PTPRD: variants seen among roughly 807,000 people sequenced by gnomAD.
PTPRD encodes receptor-type tyrosine-protein phosphatase delta.
Under a neutral mutation model 214.5 loss-of-function variants are expected in PTPRD, and 34 were observed. The observed-to-expected ratio is 0.16, with a 90% CI of 0.12 to 0.21. PTPRD has a LOEUF of 0.21. Ranked by LOEUF, PTPRD falls within the 10% of genes least tolerant of loss-of-function variation. The probability of loss-of-function intolerance (pLI) is 1.00; values close to 1 mark genes in which losing one functional copy is unlikely to be tolerated. For synonymous variants in PTPRD, 1,128 were observed against 845.7 expected (o/e 1.33, Z -5.79); for missense variants, 2,545 against 2,398.7 (o/e 1.06, Z -1.27).
rs1566670067 is a variant in PTPRD at position 8,858,840 on chromosome 9, CAG to C, written c.-103-124896_-103-124895del. 1.6e-3 allele frequency among the ~76,000 whole-genome samples: 222 copies of C among 135,112 alleles called. 1 individual carries two copies. The South Asian group carries it at 0.022, about 13-fold the overall frequency. The allele number at this position is 135,112 out of a possible 152,430, so 88.6% of individuals were successfully genotyped here. On this transcript the variant is annotated intron_variant, in intron 11 of 45. Transcript: ENST00000381196. ...ACACACACACACACATACACACACA[CAG>C]ACACACAGACACACACACACCAGAG...
chr9:8,528,568 T>C (rs377009262), intron 15 of PTPRD, 23 bp downstream of exon 15: 1 of 1,605,474 alleles, frequency 6.2e-7, no homozygotes, highest in South Asian at 1.1e-5. Context: ...TAGGAGTTAG[T>C]AGAAACAGTA....
intron 5 of PTPRD, among the ~76,000 whole-genome samples, chr9:9,801,525 G>C (rs2099040064): frequency 6.6e-6 from 1 of 151,912 alleles, no homozygotes; most frequent in African/African-American, 2.4e-5. Context: ...CTGTACAAAG[G>C]CAAGTTTACC....
At chr9:10,215,295 C>A (rs1388891459) in intron 3 of PTPRD, among the ~76,000 whole-genome samples, 1 of 151,626 alleles carries the variant, frequency 6.6e-6, no homozygotes, top group South Asian at 2.1e-4. Flanking sequence ...AAAAGCAAAG[C>A]TCTTCTAGGA....
chr9:8,526,786 G>T, intron 16 of PTPRD, 142 bp from the exon 17 acceptor site: 1 of 586,710 alleles, frequency 1.7e-6, no homozygotes, highest in South Asian at 3.6e-5. Flanking sequence ...TTACTATATT[G>T]GTAAAACAGG....
intron 4 of PTPRD, among the ~76,000 whole-genome samples, chr9:9,942,549 C>T (rs944284295): frequency 6.6e-6 from 1 of 152,068 alleles, no homozygotes; most frequent in East Asian, 1.9e-4. Flanking sequence ...GAATCTGTAA[C>T]TATCAGATAT....
At chr9:10,519,722 A>T (rs530484208) in intron 2 of PTPRD, among the ~76,000 whole-genome samples, 3 of 152,118 alleles carry the variant, frequency 2.0e-5, no homozygotes, top group Non-Finnish European at 4.4e-5. Flanking sequence ...TAAAATTTCC[A>T]ACTTTATTAT....
chr9:9,957,354 A>G (rs2154015268), intron 4 of PTPRD, among the ~76,000 whole-genome samples: 1 of 152,230 alleles, frequency 6.6e-6, no homozygotes, highest in South Asian at 2.1e-4. Context: ...ACAAAGCTTA[A>G]CAAGAAAGGA....
chr9:8,884,593 C>G (rs1209033187), intron 11 of PTPRD, among the ~76,000 whole-genome samples: 1 of 152,158 alleles, frequency 6.6e-6, no homozygotes, highest in African/African-American at 2.4e-5. Context: ...AGGGAGCAGA[C>G]TAGACTAGCT....
intron 7 of PTPRD, among the ~76,000 whole-genome samples, chr9:9,733,274 G>T (rs1248316371): frequency 6.6e-6 from 1 of 152,142 alleles, no homozygotes; most frequent in Non-Finnish European, 1.5e-5. Flanking sequence ...AGACCCCAGT[G>T]GTTCATGGTG....
At chr9:8,569,338 C>T (rs1311836395) in intron 14 of PTPRD, among the ~76,000 whole-genome samples, 1 of 152,128 alleles carries the variant, frequency 6.6e-6, no homozygotes, top group Non-Finnish European at 1.5e-5. Context: ...AGGCAATCAT[C>T]CTCCAAACTG....
At chr9:9,826,855 C>T (rs192742533) in intron 5 of PTPRD, among the ~76,000 whole-genome samples, 1 of 152,158 alleles carries the variant, frequency 6.6e-6, no homozygotes, top group East Asian at 1.9e-4. Flanking sequence ...CATTCTTATA[C>T]ACCAATAACA....
At position 8,315,863 on chromosome 9, in the gene PTPRD, T is replaced by C. The variant is rs956018297; in HGVS notation, c.*2011A>G. Reference sequence around the variant, plus strand: ...GTATTTTGAGGATTATTTAAAATCATGTAATATGTGGCAAACTTATGCCAT... The same window carrying C: ...GTATTTTGAGGATTATTTAAAATCACGTAATATGTGGCAAACTTATGCCAT... On this transcript the variant is annotated 3_prime_UTR_variant, in exon 46 of 46. Transcript: ENST00000381196. 7.6e-5 allele frequency: 17 copies of C among 224,714 alleles called. No individual in the cohort carries two copies. Among genetic ancestry groups the C allele is most frequent in the African/African-American group, 1.6e-4 (7 of 44,828 alleles). The allele number at this position is 224,714 out of a possible 1,614,324, so 13.9% of individuals were successfully genotyped here. A position where few individuals can be genotyped will look rare whatever the true frequency, so the allele number is the denominator to read the frequency against.
intron 2 of PTPRD, among the ~76,000 whole-genome samples, chr9:10,484,674 G>A (rs928507704): frequency 1.1e-4 from 16 of 151,752 alleles, no homozygotes; most frequent in African/African-American, 3.6e-4. Context: ...CTGCCATTGA[G>A]AAATATCTAT....
At chr9:9,646,827 T>C (rs1240853258) in intron 7 of PTPRD, among the ~76,000 whole-genome samples, 2 of 151,958 alleles carry the variant, frequency 1.3e-5, no homozygotes, top group African/African-American at 4.8e-5. Flanking sequence ...CAACAATAAC[T>C]AAGAATAGAA....
intron 5 of PTPRD, among the ~76,000 whole-genome samples, chr9:9,832,298 GCAACACAGC>G (rs1459426575): frequency 6.6e-6 from 1 of 151,904 alleles, no homozygotes; most frequent in African/African-American, 2.4e-5. Flanking sequence ...TGCATAGCAG[GCAACACAGC>G]CTGCTAAGAA....
intron 3 of PTPRD, among the ~76,000 whole-genome samples, chr9:10,201,531 C>T (rs1280790722): frequency 6.6e-6 from 1 of 151,840 alleles, no homozygotes; most frequent in Non-Finnish European, 1.5e-5. Context: ...ATTTAATTGT[C>T]ATCTTTTTAA....
chr9:9,393,461 G>A (rs928633810), intron 9 of PTPRD, among the ~76,000 whole-genome samples: 2 of 152,082 alleles, frequency 1.3e-5, no homozygotes, highest in African/African-American at 4.8e-5. Flanking sequence ...AGAAAGAGGG[G>A]CCACATGGAA....
intron 10 of PTPRD, among the ~76,000 whole-genome samples, chr9:9,143,867 A>T (rs569722596): frequency 6.6e-6 from 1 of 152,322 alleles, no homozygotes; most frequent in Admixed American, 6.5e-5. Context: ...AGTGATCCGA[A>T]TTAAGCAAAA....
intron 9 of PTPRD, among the ~76,000 whole-genome samples, chr9:9,358,141 A>T (rs540119025): frequency 2.2e-4 from 33 of 151,414 alleles, no homozygotes; most frequent in African/African-American, 6.0e-4. Flanking sequence ...TTTTTGAAAC[A>T]GCATATTCTC....
Sources: gnomAD v4.1 joint callset for allele counts (sites outside exome capture counted in the v4.1 genomes callset) on GRCh38, gnomAD v4.1.1 for gene constraint, MANE v1.5 for transcripts, NCBI Gene and HGNC (gene_info 2026-07-23, HGNC 2026-07-21) for gene names.